RGS20: variants seen among roughly 807,000 people sequenced by gnomAD.
RGS20 encodes the protein regulator of G protein signaling 20.
In RGS20, 30 loss-of-function variants were observed where a neutral mutation model predicts 33.6. That is an observed-to-expected ratio of 0.89 (90% CI 0.67 to 1.21). The LOEUF is 1.21. Among genes scored for constraint, RGS20 ranks in the 50% most tolerant of loss-of-function variants. RGS20 has a pLI of 0.00. For synonymous variants in RGS20, 208 were observed against 197.9 expected, an observed-to-expected ratio of 1.05 and a Z score of -0.43; for missense variants, 472 against 502.4, an observed-to-expected ratio of 0.94 and a Z score of 0.58.
chr8:53,909,231 A>G (rs1217728210), intron 2 of RGS20, among the ~76,000 whole-genome samples: 13 of 127,180 alleles, frequency 1.0e-4, no homozygotes, highest in African/African-American at 3.8e-4. Flanking sequence ...ATATATATAT[A>G]TATATATATA....
rs1008046535 is a variant in RGS20, at chr8:53,905,076, CAG to C, written c.510+25476_510+25477del. Among the ~76,000 whole-genome samples, 8 of 152,174 alleles carry C rather than the reference CAG, an allele frequency of 5.3e-5. 1 individual carries two copies. Among genetic ancestry groups the C allele is most frequent in the African/African-American group, 1.9e-4 (8 of 41,436 alleles). On this transcript the variant is annotated intron_variant, in intron 2 of 5. Transcript: ENST00000297313. ...ATTTCCATGATAAGTCACTGAAAAA[CAG>C]ATGGTAAGATGCTTAAGTGGTTTTT...
In RGS20 at chr8:53,852,687, A is replaced by G. The variant is rs1366313051; in HGVS notation, c.165+623A>G. ...AATCCTCTTAGCTATTAATAGAACC[A>G]TCTCATAAAAGGTTACTTGGCATAG... On this transcript the variant is annotated intron_variant, in intron 1 of 5. Coordinates refer to ENST00000297313, the MANE Select transcript of RGS20 (RefSeq NM_170587.4). Among the ~76,000 whole-genome samples the G allele has an allele frequency of 2.0e-5, 3 of 152,344 alleles. No individual in the cohort carries two copies. In the South Asian group the frequency reaches 6.2e-4, roughly 32 times the overall value.
intron 2 of RGS20, among the ~76,000 whole-genome samples, chr8:53,931,572 A>ACAT (rs1813960548): frequency 6.6e-6 from 1 of 151,794 alleles, no homozygotes; most frequent in Non-Finnish European, 1.5e-5. Flanking sequence ...AACAACAACA[A>ACAT]CAACAACAAC....
intron 1 of RGS20, among the ~76,000 whole-genome samples, chr8:53,856,003 A>G (rs1299268476): frequency 6.6e-6 from 1 of 152,138 alleles, no homozygotes; most frequent in Admixed American, 6.6e-5. Flanking sequence ...ACTGATTTCA[A>G]TAAGTATTTG....
chr8:53,894,175 T>C (rs1298237961), intron 2 of RGS20, among the ~76,000 whole-genome samples: 2 of 152,224 alleles, frequency 1.3e-5, no homozygotes, highest in Non-Finnish European at 2.9e-5. Flanking sequence ...CCAACTGCCT[T>C]GTTTTGTCTT....
intron 4 of RGS20, among the ~76,000 whole-genome samples, chr8:53,947,983 GTA>G (rs1380807673): frequency 3.2e-4 from 42 of 133,262 alleles, no homozygotes; most frequent in African/African-American, 9.6e-4. Context: ...ATATAAGATA[GTA>G]TATATATTTA....
intron 1 of RGS20, among the ~76,000 whole-genome samples, chr8:53,874,481 AG>A (rs1384627811): frequency 6.6e-6 from 1 of 151,800 alleles, no homozygotes; most frequent in East Asian, 1.9e-4. Context: ...GTAATTGTGG[AG>A]GGTGTCAAGT....
intron 2 of RGS20, among the ~76,000 whole-genome samples, chr8:53,887,813 T>C (rs537739133): frequency 6.6e-6 from 1 of 151,596 alleles, no homozygotes; most frequent in South Asian, 2.1e-4. Context: ...CCCGTCTCTT[T>C]AAAAAATGCA....
At chr8:53,856,181 C>T (rs1408967864) in intron 1 of RGS20, among the ~76,000 whole-genome samples, 1 of 151,980 alleles carries the variant, frequency 6.6e-6, no homozygotes, top group Admixed American at 6.6e-5. Context: ...TACACTCACA[C>T]ACTTGTCTTC....
intron 2 of RGS20, among the ~76,000 whole-genome samples, chr8:53,898,868 T>C (rs1812937103): frequency 6.6e-6 from 1 of 152,242 alleles, no homozygotes; most frequent in Non-Finnish European, 1.5e-5. Flanking sequence ...AGAGTTTGCA[T>C]TTCTGATCTT....
chr8:53,903,360 G>A (rs1813083688), intron 2 of RGS20, among the ~76,000 whole-genome samples: 1 of 152,194 alleles, frequency 6.6e-6, no homozygotes, highest in Admixed American at 6.5e-5. Flanking sequence ...TACAGGATAA[G>A]AAATCTCAAT....
chr8:53,865,664 C>T (rs551536523), intron 1 of RGS20, among the ~76,000 whole-genome samples: 14 of 152,290 alleles, frequency 9.2e-5, no homozygotes, highest in Admixed American at 5.9e-4. Context: ...TGGCATGCAG[C>T]GGTGTGATCT....
chr8:53,853,206 C>G (rs1811603689), intron 1 of RGS20, among the ~76,000 whole-genome samples: 1 of 152,140 alleles, frequency 6.6e-6, no homozygotes. Flanking sequence ...CAGAGAGCAA[C>G]AACAACAAAT....
intron 2 of RGS20, among the ~76,000 whole-genome samples, chr8:53,929,358 C>A (rs1813890926): frequency 6.6e-6 from 1 of 152,138 alleles, no homozygotes; most frequent in African/African-American, 2.4e-5. Context: ...AATTCCAGAG[C>A]TCTCCAGTCT....
chr8:53,880,716 G>GAGCAGTGGGGCTGC (rs1368246176), intron 2 of RGS20, among the ~76,000 whole-genome samples, 156 bp from the exon 1 acceptor site: 1 of 152,018 alleles, frequency 6.6e-6, no homozygotes, highest in Non-Finnish European at 1.5e-5. Flanking sequence ...TGCGGGGCTG[G>GAGCAGTGGGGCTGC]AGCAGTGGGG....
chr8:53,890,953 G>C (rs1183848679), intron 2 of RGS20, among the ~76,000 whole-genome samples: 1 of 152,152 alleles, frequency 6.6e-6, no homozygotes, highest in Non-Finnish European at 1.5e-5. Flanking sequence ...CTATCTCCTT[G>C]GTCTCAAAAG....
At chr8:53,918,152 T>G (rs1305849682) in intron 2 of RGS20, among the ~76,000 whole-genome samples, 1 of 152,148 alleles carries the variant, frequency 6.6e-6, no homozygotes, top group Non-Finnish European at 1.5e-5. Flanking sequence ...CTTAGCACAG[T>G]CACAAAGTTG....
intron 2 of RGS20, among the ~76,000 whole-genome samples, chr8:53,890,698 G>T (rs774987424): frequency 6.6e-6 from 1 of 152,130 alleles, no homozygotes; most frequent in Non-Finnish European, 1.5e-5. Context: ...GGAGTACATT[G>T]GCACCATTAT....
At chr8:53,951,321 CA>C (rs1300119675) in intron 4 of RGS20, among the ~76,000 whole-genome samples, 1 of 151,742 alleles carries the variant, frequency 6.6e-6, no homozygotes, top group Non-Finnish European at 1.5e-5. Context: ...CTCATCTCTA[CA>C]AAAAAATACA....
Sources: gnomAD v4.1 joint callset for allele counts (sites outside exome capture counted in the v4.1 genomes callset) on GRCh38, gnomAD v4.1.1 for gene constraint, MANE v1.5 for transcripts, NCBI Gene and HGNC (gene_info 2026-07-23, HGNC 2026-07-21) for gene names.